ERBB4: variants seen among roughly 807,000 people sequenced by gnomAD.
ERBB4 encodes the protein receptor tyrosine-protein kinase erbB-4.
A neutral mutation model predicts 158.0 loss-of-function variants in ERBB4; 42 were observed. The ratio of observed to expected loss-of-function variants is 0.27; its 90% confidence interval spans 0.21 to 0.34. The LOEUF (loss-of-function observed/expected upper bound fraction) is 0.34, where lower values mean the gene tolerates loss of function less well. Among genes scored for constraint, ERBB4 ranks in the 10% least tolerant of loss-of-function variants. The pLI, the probability that ERBB4 is intolerant of heterozygous loss-of-function variation, is 1.00. For synonymous variants in ERBB4, 583 were observed against 558.7 expected, an observed-to-expected ratio of 1.04 and a Z score of -0.61; for missense variants, 1,333 against 1,624.1, an observed-to-expected ratio of 0.82 and a Z score of 3.08.
chr2:212,272,825 AT>A (rs2085392568), intron 1 of ERBB4, among the ~76,000 whole-genome samples: 2 of 151,778 alleles, frequency 1.3e-5, no homozygotes, highest in Admixed American at 1.3e-4. Context: ...TAAGAAAAAA[AT>A]CAATTGAACT....
At chr2:212,418,039 G>A (rs1451800856) in intron 1 of ERBB4, among the ~76,000 whole-genome samples, 1 of 151,934 alleles carries the variant, frequency 6.6e-6, no homozygotes, top group African/African-American at 2.4e-5. Context: ...GCAGCCATCA[G>A]CAAGTCAGGA....
intron 20 of ERBB4, 152 bp downstream of exon 20, chr2:211,561,751 A>G (rs1201569769): frequency 1.1e-5 from 8 of 718,876 alleles, no homozygotes; most frequent in African/African-American, 1.8e-5. Context: ...AGTTTACCTA[A>G]AAGTACCTCT....
At chr2:211,995,093 G>T (rs1028948010) in intron 2 of ERBB4, among the ~76,000 whole-genome samples, 1 of 152,146 alleles carries the variant, frequency 6.6e-6, no homozygotes, top group Non-Finnish European at 1.5e-5. Context: ...CCAGAGTCAC[G>T]TCTCTTAGAC....
At chr2:211,523,670 G>T (rs1400054732) in intron 20 of ERBB4, among the ~76,000 whole-genome samples, 4 of 152,034 alleles carry the variant, frequency 2.6e-5, no homozygotes, top group East Asian at 1.9e-4. Context: ...GGCTTCAGGA[G>T]TGAAGCTGCA....
Position 211,619,954 on chromosome 2 carries a change from TGTTA to T in ERBB4, c.2203-683_2203-680del, listed in dbSNP as rs570932740. ...AATATAAAATATTTATATTGGCCGT[TGTTA>T]GTTCTCTTTTCCTATCAAAATATAA... On this transcript the variant is annotated intron_variant, in intron 18 of 27. Transcript: ENST00000342788. 5.2e-3 allele frequency among the ~76,000 whole-genome samples: 786 copies of T among 152,284 alleles called. 4 individuals carry two copies. The highest frequency in any genetic ancestry group is 7.7e-3 in the Non-Finnish European group (524 of 67,994).
At chr2:211,557,790 T>A (rs372022498) in intron 20 of ERBB4, among the ~76,000 whole-genome samples, 1 of 152,230 alleles carries the variant, frequency 6.6e-6, no homozygotes, top group African/African-American at 2.4e-5. Context: ...GGAATATAAA[T>A]AACTCTATTA....
At chr2:211,548,079 T>C (rs1008493468) in intron 20 of ERBB4, among the ~76,000 whole-genome samples, 3 of 152,246 alleles carry the variant, frequency 2.0e-5, no homozygotes, top group Middle Eastern at 3.4e-3. Flanking sequence ...GGACCTGTGC[T>C]CTATAAACCG....
intron 1 of ERBB4, among the ~76,000 whole-genome samples, chr2:212,358,376 A>C (rs527761128): frequency 1.8e-4 from 28 of 151,846 alleles, no homozygotes; most frequent in African/African-American, 6.5e-4. Flanking sequence ...TAAAAAAAAA[A>C]CAGTATTATG....
intron 2 of ERBB4, among the ~76,000 whole-genome samples, chr2:212,011,668 C>T (rs890596176): frequency 2.0e-5 from 3 of 151,522 alleles, no homozygotes; most frequent in Non-Finnish European, 2.9e-5. Flanking sequence ...GAGAACTGCT[C>T]GAACCCAGGA....
At chr2:212,123,938 A>C (rs774671750) in intron 2 of ERBB4, among the ~76,000 whole-genome samples, 2 of 152,184 alleles carry the variant, frequency 1.3e-5, no homozygotes, top group African/African-American at 4.8e-5. Flanking sequence ...TATTCTAGGG[A>C]AGCTATTATT....
chr2:211,768,479 T>C (rs933742005), intron 4 of ERBB4, among the ~76,000 whole-genome samples: 1 of 152,196 alleles, frequency 6.6e-6, no homozygotes, highest in African/African-American at 2.4e-5. Context: ...AGGTTCTCCA[T>C]GAGAGCTCTT....
chr2:211,441,451 T>C (rs2063973794), intron 20 of ERBB4, among the ~76,000 whole-genome samples: 1 of 152,158 alleles, frequency 6.6e-6, no homozygotes. Flanking sequence ...CCAACCTGCT[T>C]GGAGAGCACC....
intron 4 of ERBB4, among the ~76,000 whole-genome samples, chr2:211,773,906 A>T (rs936536613): frequency 2.6e-5 from 4 of 151,778 alleles, no homozygotes; most frequent in African/African-American, 4.8e-5. Context: ...TCCTGATCCA[A>T]CATTGAGGTT....
intron 1 of ERBB4, among the ~76,000 whole-genome samples, chr2:212,383,708 G>C (rs2090584192): frequency 6.6e-6 from 1 of 151,652 alleles, no homozygotes; most frequent in African/African-American, 2.4e-5. Flanking sequence ...AGAAAGCTTT[G>C]TGAAAGGTTA....
At chr2:211,905,456 A>G (rs2079353906) in intron 3 of ERBB4, among the ~76,000 whole-genome samples, 1 of 151,632 alleles carries the variant, frequency 6.6e-6, no homozygotes, top group African/African-American at 2.4e-5. Flanking sequence ...AACCTAACAC[A>G]GGTTCTGGGG....
rs370698614 is a variant in ERBB4 at position 212,185,377 on chromosome 2, A to G, written c.83-60474T>C. 5.8e-4 allele frequency among the ~76,000 whole-genome samples: 88 copies of G among 152,132 alleles called. 1 individual carries two copies. The highest frequency in any genetic ancestry group is 2.0e-3 in the African/African-American group (83 of 41,514). On this transcript the variant is annotated intron_variant, in intron 1 of 27. Transcript: ENST00000342788. ...TTGGTAGACCTCAGAAAAAGAAAAA[A>G]AAAAGGCTCATCTGCTTGGAATCAC...
chr2:212,517,149 C>A (rs1691896699), intron 1 of ERBB4, among the ~76,000 whole-genome samples: 1 of 152,038 alleles, frequency 6.6e-6, no homozygotes, highest in African/African-American at 2.4e-5. Flanking sequence ...AATTTAAAGG[C>A]CTTAACTTTG....
chr2:212,396,137 T>C (rs553718063), intron 1 of ERBB4, among the ~76,000 whole-genome samples: 1 of 152,310 alleles, frequency 6.6e-6, no homozygotes, highest in South Asian at 2.1e-4. Context: ...ACTACTTGTC[T>C]GGAAAACATT....
chr2:211,688,161 A>G (rs1022979585), intron 12 of ERBB4, among the ~76,000 whole-genome samples: 39 of 152,218 alleles, frequency 2.6e-4, no homozygotes, highest in Admixed American at 2.2e-3. Context: ...AATTTTATAT[A>G]TTCATCCATG....
Sources: gnomAD v4.1 joint callset for allele counts (sites outside exome capture counted in the v4.1 genomes callset) on GRCh38, gnomAD v4.1.1 for gene constraint, MANE v1.5 for transcripts, NCBI Gene and HGNC (gene_info 2026-07-23, HGNC 2026-07-21) for gene names.